Variants in HIF1A observed in about 807,000 individuals in gnomAD.
HIF1A encodes hypoxia-inducible factor 1-alpha.
Under a neutral mutation model 92.7 loss-of-function variants are expected in HIF1A, and 24 were observed. That is an observed-to-expected ratio of 0.26 (90% CI 0.19 to 0.36). The LOEUF (loss-of-function observed/expected upper bound fraction) is 0.36, where lower values mean the gene tolerates loss of function less well. HIF1A is among the 10% of genes least tolerant of loss of function. HIF1A has a pLI of 1.00. For missense variants in HIF1A, 799 were observed against 998.5 expected (o/e 0.80, Z 2.69); for synonymous variants, 319 against 338.7 (o/e 0.94, Z 0.64).
chr14:61,745,494 T>G (rs2044769244), intron 13 of HIF1A, 197 bp from the exon 14 acceptor site: 1 of 591,366 alleles, frequency 1.7e-6, no homozygotes, highest in African/African-American at 1.9e-5. Flanking sequence ...ATTTTCAAAC[T>G]AAATTAACTG....
intron 1 of HIF1A, among the ~76,000 whole-genome samples, chr14:61,703,126 G>A (rs1379602770): frequency 6.6e-6 from 1 of 152,200 alleles, no homozygotes; most frequent in Non-Finnish European, 1.5e-5. Flanking sequence ...ACAGGCGTGA[G>A]CCACCATGCC....
rs545207143 is a variant in HIF1A at position 61,696,173 on chromosome 14, G to A, written c.35+334G>A. ...CCAGCCTGCTCTGTGGCCCCATCCG[G>A]AGGGGACTTTACCCAGCCTGAAAAC... On this transcript the variant is annotated intron_variant, in intron 1 of 14. Transcript: ENST00000337138. Among the ~76,000 whole-genome samples, 20 of 152,382 alleles carry A rather than the reference G, an allele frequency of 1.3e-4. No homozygotes were observed. The South Asian group carries it at 4.1e-3, about 32-fold the overall frequency.
chr14:61,737,259 A>G (rs1418445670), intron 9 of HIF1A, 150 bp downstream of exon 9: 2 of 622,910 alleles, frequency 3.2e-6, no homozygotes, highest in East Asian at 5.7e-5. Context: ...ATTTGCTTAA[A>G]TATTTTTGCC....
chr14:61,710,385 C>T (rs2044293171), intron 1 of HIF1A, among the ~76,000 whole-genome samples: 1 of 152,040 alleles, frequency 6.6e-6, no homozygotes, highest in Non-Finnish European at 1.5e-5. Flanking sequence ...GTTTATTGCA[C>T]CGTGTCCTGT....
chr14:61,726,225 A>G (rs557393661), intron 4 of HIF1A, among the ~76,000 whole-genome samples: 5 of 152,076 alleles, frequency 3.3e-5, no homozygotes, highest in Non-Finnish European at 7.4e-5. Context: ...ATTAAGGGGA[A>G]AAAAATAAGA....
At chr14:61,734,860 T>C (rs1004943438) in intron 8 of HIF1A, among the ~76,000 whole-genome samples, 1 of 152,218 alleles carries the variant, frequency 6.6e-6, no homozygotes, top group African/African-American at 2.4e-5. Flanking sequence ...TGTATACATA[T>C]GTAACAAACC....
At chr14:61,706,910 T>C (rs549542971) in intron 1 of HIF1A, among the ~76,000 whole-genome samples, 6 of 152,336 alleles carry the variant, frequency 3.9e-5, no homozygotes, top group Non-Finnish European at 8.8e-5. Flanking sequence ...AAAAAAGTTC[T>C]ATTGATGATT....
At chr14:61,742,879 C>A (rs1215406428) in intron 12 of HIF1A, among the ~76,000 whole-genome samples, 2 of 31,606 alleles carry the variant, frequency 6.3e-5, no homozygotes, top group East Asian at 1.0e-3. Flanking sequence ...GAGTGAAACT[C>A]GGTTTCAAAA....
intron 4 of HIF1A, among the ~76,000 whole-genome samples, chr14:61,724,563 T>A (rs779518593): frequency 6.6e-6 from 1 of 152,184 alleles, no homozygotes; most frequent in Non-Finnish European, 1.5e-5. Flanking sequence ...GAGTATAGGC[T>A]GGAATTCATC....
chr14:61,696,508 T>TA (rs1233084994), intron 1 of HIF1A, among the ~76,000 whole-genome samples: 2 of 152,234 alleles, frequency 1.3e-5, no homozygotes, highest in Non-Finnish European at 2.9e-5. Context: ...TGTTTCGTTT[T>TA]AATCGCCTTG....
chr14:61,713,613 T>C (rs2044331152), intron 1 of HIF1A, among the ~76,000 whole-genome samples: 3 of 152,188 alleles, frequency 2.0e-5, no homozygotes, highest in Admixed American at 6.5e-5. Context: ...CCTAGCACAG[T>C]GCATGGTACT....
Position 61,732,534 on chromosome 14 carries a change from A to G in HIF1A, c.880+10A>G. 2 of 1,447,316 alleles carry G rather than the reference A, an allele frequency of 1.4e-6. No individual in the cohort carries two copies. Among genetic ancestry groups the G allele is most frequent in the Middle Eastern group, 1.7e-4 (1 of 5,756 alleles). 89.7% of individuals were successfully genotyped at this position (1,447,316 alleles called of 1,614,324 possible). On this transcript the variant is annotated intron_variant, in intron 7 of 14. Coordinates refer to ENST00000337138, the MANE Select transcript of HIF1A (RefSeq NM_001530.4). ...AAAACTCATCATGATAGTAAGTACA[A>G]TGGAAGAACTCAGAGATATTCTAAT...
rs111355743 is a variant in HIF1A at position 61,713,487 on chromosome 14, C to T, written c.36-6895C>T. On this transcript the variant is annotated intron_variant, in intron 1 of 14. Coordinates refer to ENST00000337138, the MANE Select transcript of HIF1A (RefSeq NM_001530.4). ...AATTTGAAATGTTGAATGTCCTTCA[C>T]GATGCAGCTAGACAAGCATTTGGGA... 5.9e-3 allele frequency among the ~76,000 whole-genome samples: 901 copies of T among 152,212 alleles called. 14 individuals are homozygous for T. The highest frequency in any genetic ancestry group is 0.02 in the African/African-American group (839 of 41,534).
intron 14 of HIF1A, 52 bp downstream of exon 14, chr14:61,745,869 C>T: frequency 6.9e-7 from 1 of 1,459,218 alleles, no homozygotes; most frequent in Non-Finnish European, 9.5e-7. Flanking sequence ...ATACATGAAA[C>T]ATTTTTATTT....
At chr14:61,746,595 A>C (rs548500728) in intron 14 of HIF1A, among the ~76,000 whole-genome samples, 24 of 151,784 alleles carry the variant, frequency 1.6e-4, no homozygotes, top group Admixed American at 7.2e-4. Context: ...GGGTCTCACT[A>C]TGTTGCCTAG....
Position 61,738,071 on chromosome 14 carries a change from T to G in HIF1A, c.1250-16T>G. 6.4e-7 allele frequency: 1 copy of G among 1,564,378 alleles called. No homozygotes were observed. Among genetic ancestry groups the G allele is most frequent in the Non-Finnish European group, 8.6e-7 (1 of 1,157,358 alleles). ...TCCTTCTATACTTTAGATTGACTCA[T>G]ATTTTTTCCCCACAGACACAGAAAC... On this transcript the variant is annotated splice_polypyrimidine_tract_variant and intron_variant, in intron 9 of 14. Coordinates refer to ENST00000337138, the MANE Select transcript of HIF1A (RefSeq NM_001530.4).
chr14:61,710,601 GC>G (rs2044295210), intron 1 of HIF1A, among the ~76,000 whole-genome samples: 1 of 152,026 alleles, frequency 6.6e-6, no homozygotes, highest in Non-Finnish European at 1.5e-5. Flanking sequence ...TCAGGTTTTT[GC>G]TATTTTTTCC....
intron 1 of HIF1A, among the ~76,000 whole-genome samples, chr14:61,706,226 CTCTTAACCATGAACAGTGAT>C (rs1394235791): frequency 3.3e-5 from 5 of 152,118 alleles, no homozygotes; most frequent in Non-Finnish European, 7.4e-5. Context: ...TGATACACAG[CTCTTAACCATGAACAGTGAT>C]TCTTCACTCT....
intron 4 of HIF1A, among the ~76,000 whole-genome samples, chr14:61,722,730 T>C (rs975273483): frequency 6.6e-6 from 1 of 152,220 alleles, no homozygotes; most frequent in Admixed American, 6.5e-5. Flanking sequence ...CGAGACCGTG[T>C]AGTTAGATTA....
Sources: allele counts gnomAD v4.1 joint callset (sites outside exome capture counted in the v4.1 genomes callset), GRCh38; gene constraint gnomAD v4.1.1; transcripts MANE v1.5; gene names NCBI Gene and HGNC (gene_info 2026-07-23, HGNC 2026-07-21).